BABAM2: variants seen among roughly 807,000 people sequenced by gnomAD.
BABAM2 encodes the protein BRISC and BRCA1-A complex member 2.
BABAM2 carries 31 observed loss-of-function variants against 54.7 expected under a neutral mutation model. That is an observed-to-expected ratio of 0.57 (90% confidence interval 0.43 to 0.77). The LOEUF (loss-of-function observed/expected upper bound fraction) is 0.77, where lower values mean the gene tolerates loss of function less well. Among genes scored for constraint, BABAM2 ranks in the 30% least tolerant of loss-of-function variants. The pLI, the probability that BABAM2 is intolerant of heterozygous loss-of-function variation, is 0.00. For missense variants in BABAM2, 364 were observed against 455.8 expected (o/e 0.80, Z 1.83); for synonymous variants, 167 against 162.9 (o/e 1.03, Z -0.19).
At chr2:28,323,002 A>G (rs1265051754) in intron 11 of BABAM2, among the ~76,000 whole-genome samples, 1 of 152,210 alleles carries the variant, frequency 6.6e-6, no homozygotes, top group Non-Finnish European at 1.5e-5. Context: ...CTTCCAAAGC[A>G]ATAGCAGTAA....
At chr2:28,086,289 A>T (rs1665631109) in intron 6 of BABAM2, among the ~76,000 whole-genome samples, 1 of 152,222 alleles carries the variant, frequency 6.6e-6, no homozygotes, top group South Asian at 2.1e-4. Context: ...GAGAAAATTT[A>T]CCTTGAGCTT....
chr2:28,313,747 A>C (rs1428662794), intron 11 of BABAM2, among the ~76,000 whole-genome samples: 1 of 152,226 alleles, frequency 6.6e-6, no homozygotes, highest in Non-Finnish European at 1.5e-5. Flanking sequence ...GTAAGAGCTC[A>C]CTATATGCAG....
intron 10 of BABAM2, among the ~76,000 whole-genome samples, chr2:28,293,175 A>G (rs1355642942): frequency 6.6e-6 from 1 of 152,116 alleles, no homozygotes; most frequent in African/African-American, 2.4e-5. Flanking sequence ...GAAATCATAT[A>G]ATCAAACTTG....
chr2:28,288,902 A>G (rs1687045160), intron 10 of BABAM2, among the ~76,000 whole-genome samples: 1 of 151,006 alleles, frequency 6.6e-6, no homozygotes, highest in Admixed American at 6.6e-5. Flanking sequence ...TTTCCAGACC[A>G]TGAGCTCAAG....
At chr2:28,318,600 G>T (rs1418726337) in intron 11 of BABAM2, among the ~76,000 whole-genome samples, 1 of 152,206 alleles carries the variant, frequency 6.6e-6, no homozygotes, top group African/African-American at 2.4e-5. Context: ...TTTCCATCCT[G>T]TAGTAGTTAG....
At chr2:28,205,579 T>C (rs1007900196) in intron 7 of BABAM2, among the ~76,000 whole-genome samples, 1 of 152,164 alleles carries the variant, frequency 6.6e-6, no homozygotes, top group Non-Finnish European at 1.5e-5. Flanking sequence ...CACAGGGAGA[T>C]TAACTTGCCC....
At position 28,248,207 on chromosome 2, in the gene BABAM2, C is replaced by CTTTTTCTTTTTTTTTTTT. The variant is rs1553349503; in HGVS notation, c.934+3350_934+3351insCTTTTTTTTTTTTTTTTT. Among the ~76,000 whole-genome samples the CTTTTTCTTTTTTTTTTTT allele has an allele frequency of 2.0e-3, 111 of 54,308 alleles. 10 individuals carry two copies. The highest frequency in any genetic ancestry group is 2.6e-3 in the Non-Finnish European group (71 of 27,158). The allele number at this position is 54,308 out of a possible 152,430, so 35.6% of individuals were successfully genotyped here. A position where few individuals can be genotyped will look rare whatever the true frequency, so the allele number is the denominator to read the frequency against. Reference sequence around the variant, plus strand: ...AGTAGCTTTTGTTTATTTTCTTTTTCTTTTTTTTTTTTTTTTTTTGAGACG... The same window carrying CTTTTTCTTTTTTTTTTTT: ...AGTAGCTTTTGTTTATTTTCTTTTTCTTTTTCTTTTTTTTTTTTTTTTTTTTTTTTTTTTTTTGAGACG... On this transcript the variant is annotated intron_variant, in intron 10 of 11. Coordinates refer to ENST00000379624, the MANE Select transcript of BABAM2 (RefSeq NM_199191.3).
chr2:28,058,025 T>G (rs1240258940), intron 6 of BABAM2, among the ~76,000 whole-genome samples: 2 of 151,434 alleles, frequency 1.3e-5, no homozygotes, highest in African/African-American at 4.9e-5. Context: ...GCACCTGGAG[T>G]CCCAGCTACT....
chr2:28,043,453 G>T (rs1677294809), intron 5 of BABAM2, among the ~76,000 whole-genome samples: 1 of 152,106 alleles, frequency 6.6e-6, no homozygotes, highest in African/African-American at 2.4e-5. Context: ...TTTTATGAGT[G>T]GTCCTTCTTC....
intron 7 of BABAM2, among the ~76,000 whole-genome samples, chr2:28,185,188 T>C (rs1272365740): frequency 6.6e-6 from 1 of 152,184 alleles, no homozygotes; most frequent in Non-Finnish European, 1.5e-5. Flanking sequence ...AACATTAATA[T>C]ATTAAAACCC....
chr2:28,089,092 A>G (rs555374877), intron 6 of BABAM2, among the ~76,000 whole-genome samples: 31 of 152,016 alleles, frequency 2.0e-4, no homozygotes, highest in Non-Finnish European at 4.0e-4. Context: ...TCAAAACGTC[A>G]TTTCATAATA....
intron 4 of BABAM2, among the ~76,000 whole-genome samples, chr2:28,022,887 A>G (rs1427812833): frequency 1.3e-5 from 2 of 152,196 alleles, no homozygotes; most frequent in African/African-American, 4.8e-5. Flanking sequence ...AATATGCCCT[A>G]TTCTTAGGGA....
At chr2:28,283,244 T>G (rs1382382142) in intron 10 of BABAM2, among the ~76,000 whole-genome samples, 1 of 152,190 alleles carries the variant, frequency 6.6e-6, no homozygotes, top group Non-Finnish European at 1.5e-5. Flanking sequence ...GCTGAAGCAG[T>G]TGAGGCAGTT....
chr2:28,132,627 C>T (rs1444172071), intron 7 of BABAM2, among the ~76,000 whole-genome samples: 3 of 152,128 alleles, frequency 2.0e-5, no homozygotes, highest in African/African-American at 7.2e-5. Context: ...CTTCTCTAAC[C>T]CCTCTTCCTG....
intron 5 of BABAM2, among the ~76,000 whole-genome samples, chr2:28,026,897 A>ATATATAT (rs1558667588): frequency 4.9e-5 from 1 of 20,578 alleles, no homozygotes; most frequent in Admixed American, 5.7e-4. Context: ...GATATATATA[A>ATATATAT]ATATATATAA....
intron 7 of BABAM2, among the ~76,000 whole-genome samples, chr2:28,192,676 C>T (rs1677063884): frequency 6.6e-6 from 1 of 151,616 alleles, no homozygotes; most frequent in Non-Finnish European, 1.5e-5. Flanking sequence ...CACGTGCCAC[C>T]ACGGCCAGAT....
intron 3 of BABAM2, among the ~76,000 whole-genome samples, chr2:27,980,347 A>G (rs1671912997): frequency 1.3e-5 from 2 of 152,124 alleles, no homozygotes; most frequent in South Asian, 2.1e-4. Flanking sequence ...TTGCTCTTCT[A>G]TATGATTTGT....
At chr2:28,072,872 C>A (rs753640474) in intron 6 of BABAM2, among the ~76,000 whole-genome samples, 15 of 152,216 alleles carry the variant, frequency 9.9e-5, no homozygotes, top group Non-Finnish European at 1.5e-4. Flanking sequence ...GTCCTGTAAC[C>A]CATTACCTAG....
chr2:28,272,477 G>C (rs182744697), intron 10 of BABAM2, among the ~76,000 whole-genome samples: 2 of 152,300 alleles, frequency 1.3e-5, no homozygotes, highest in East Asian at 3.9e-4. Context: ...AGAGGAACGC[G>C]AACTGGCTCA....
Sources: allele counts gnomAD v4.1 joint callset (sites outside exome capture counted in the v4.1 genomes callset), GRCh38; gene constraint gnomAD v4.1.1; transcripts MANE v1.5; gene names NCBI Gene and HGNC (gene_info 2026-07-23, HGNC 2026-07-21).